Variants in TMX2 observed in about 807,000 individuals in gnomAD.
The protein encoded by TMX2 is thioredoxin related transmembrane protein 2, also known as thioredoxin-related transmembrane protein 2.
Under a neutral mutation model 33.4 loss-of-function variants are expected in TMX2, and 20 were observed. The ratio of observed to expected loss-of-function variants is 0.60; its 90% CI spans 0.42 to 0.87. TMX2 has a LOEUF of 0.87. Ranked by LOEUF, TMX2 falls within the 40% of genes least tolerant of loss-of-function variation. The pLI is 0.00. For missense variants in TMX2, 340 were observed against 370.7 expected, an observed-to-expected ratio of 0.92 and a Z score of 0.68; for synonymous variants, 166 against 140.7, an observed-to-expected ratio of 1.18 and a Z score of -1.27.
chr11:57,723,786 G>A (rs942482552), intron 1 of TMX2, among the ~76,000 whole-genome samples: 2 of 137,800 alleles, frequency 1.5e-5, no homozygotes, highest in African/African-American at 2.6e-5. Flanking sequence ...CTGGGTGACA[G>A]AGCAAGACTC....
intron 1 of TMX2, among the ~76,000 whole-genome samples, chr11:57,714,686 T>C (rs1946864404): frequency 6.6e-6 from 1 of 152,166 alleles, no homozygotes; most frequent in African/African-American, 2.4e-5. Flanking sequence ...CTTAACCTCC[T>C]GGGCAAAGCC....
intron 1 of TMX2, among the ~76,000 whole-genome samples, chr11:57,728,849 G>T (rs920550950): frequency 6.6e-6 from 1 of 152,010 alleles, no homozygotes; most frequent in Non-Finnish European, 1.5e-5. Flanking sequence ...CCCCCAAGAC[G>T]TACAGCGGCC....
intron 1 of TMX2, among the ~76,000 whole-genome samples, chr11:57,720,103 A>T (rs1198629935): frequency 6.8e-6 from 1 of 146,848 alleles, no homozygotes; most frequent in Non-Finnish European, 1.5e-5. Context: ...AGCCTGGCCA[A>T]CGTGGTGAAA....
chr11:57,718,210 C>A lies in TMX2; in HGVS notation c.189+5403C>A, dbSNP rs1947309587. The A allele has an allele frequency of 3.6e-6, 5 of 1,407,028 alleles. No individual in the cohort carries two copies. The East Asian group carries it at 1.2e-4, about 32-fold the overall frequency. 87.2% of individuals were successfully genotyped at this position (1,407,028 alleles called of 1,614,324 possible). A position where few individuals can be genotyped will look rare whatever the true frequency, so the allele number is the denominator to read the frequency against. ...GCAGTGTAGATGAAAAGCTGGGAAC[C>A]TTTTGTGTTGGGTCCAGCAATTGCC... On this transcript the variant is annotated intron_variant, in intron 1 of 7. Coordinates refer to ENST00000278422, the MANE Select transcript of TMX2 (RefSeq NM_015959.4).
chr11:57,733,295 G>A (rs1948513804), intron 1 of TMX2, among the ~76,000 whole-genome samples: 1 of 121,306 alleles, frequency 8.2e-6, no homozygotes, highest in African/African-American at 3.3e-5. Context: ...CACTCTTGTC[G>A]CCCAGGCTGG....
intron 1 of TMX2, among the ~76,000 whole-genome samples, chr11:57,735,089 C>T (rs954670389): frequency 2.0e-5 from 3 of 151,916 alleles, no homozygotes; most frequent in African/African-American, 7.2e-5. Flanking sequence ...GAGATCATGC[C>T]CCTGCATTCC....
At chr11:57,718,209 C>T (rs1947309324) in intron 1 of TMX2, 1 of 1,390,812 alleles carries the variant, frequency 7.2e-7, no homozygotes, top group Non-Finnish European at 1.0e-6. Flanking sequence ...AAGCTGGGAA[C>T]CTTTTGTGTT....
At chr11:57,737,153 G>T (rs984953091) in intron 1 of TMX2, among the ~76,000 whole-genome samples, 1 of 152,184 alleles carries the variant, frequency 6.6e-6, no homozygotes, top group Non-Finnish European at 1.5e-5. Flanking sequence ...AGCACCGCAG[G>T]CCTGGCGCGG....
chr11:57,718,188 G>A, intron 1 of TMX2: 6 of 1,298,740 alleles, frequency 4.6e-6, no homozygotes, highest in East Asian at 2.3e-5. Flanking sequence ...ACTCTTGGCA[G>A]TGTAGATGAA....
intron 1 of TMX2, among the ~76,000 whole-genome samples, chr11:57,715,777 G>A (rs1946951317): frequency 6.6e-6 from 1 of 151,100 alleles, no homozygotes; most frequent in African/African-American, 2.4e-5. Context: ...AGGGAGTGGT[G>A]ATGATTCTTA....
chr11:57,735,255 CT>C (rs1948672327), intron 1 of TMX2, among the ~76,000 whole-genome samples: 1 of 151,774 alleles, frequency 6.6e-6, no homozygotes, highest in South Asian at 2.1e-4. Context: ...GTTGCCCAGG[CT>C]GGAGTGCAGT....
intron 7 of TMX2, 78 bp downstream of exon 7, chr11:57,739,338 A>G (rs1486859950): frequency 3.3e-6 from 5 of 1,508,944 alleles, no homozygotes; most frequent in Non-Finnish European, 4.6e-6. Flanking sequence ...GGTTTGATTC[A>G]CAGCTCTGCC....
chr11:57,724,556 C>A (rs1192444399), intron 1 of TMX2, among the ~76,000 whole-genome samples: 1 of 151,532 alleles, frequency 6.6e-6, no homozygotes, highest in Non-Finnish European at 1.5e-5. Flanking sequence ...CAGATGCAAC[C>A]CCATGCTGGG....
At position 57,712,651 on chromosome 11, in the gene TMX2, G is replaced by C. The variant is rs771553271; in HGVS notation, c.33G>C (p.Val11=). Residue 11 remains valine, a synonymous_variant, in exon 1 of 8, where the codon GTG becomes GTC. Transcript: ENST00000278422. MAVLAPLIAL[V]YSVPRLSRWL... Reference sequence around the variant, plus strand: ...TCTTGGCACCTCTAATTGCTCTCGTGTATTCGGTGCCGCGACTTTCACGAT... The same window carrying C: ...TCTTGGCACCTCTAATTGCTCTCGTCTATTCGGTGCCGCGACTTTCACGAT... 9 of 1,614,022 alleles carry C rather than the reference G, an allele frequency of 5.6e-6. No homozygotes were observed. Among genetic ancestry groups the C allele is most frequent in the African/African-American group, 1.3e-5 (1 of 74,940 alleles).
At chr11:57,734,775 AAAAT>A (rs1948637411) in intron 1 of TMX2, among the ~76,000 whole-genome samples, 1 of 151,986 alleles carries the variant, frequency 6.6e-6, no homozygotes, top group African/African-American at 2.4e-5. Context: ...ATAAAAAATA[AAAAT>A]AAATAAAATT....
At chr11:57,717,408 G>A (rs1327511577) in intron 1 of TMX2, among the ~76,000 whole-genome samples, 1 of 151,702 alleles carries the variant, frequency 6.6e-6, no homozygotes, top group Non-Finnish European at 1.5e-5. Context: ...TCCAGCCTGG[G>A]CACCATTGAG....
At position 57,737,999 on chromosome 11, in the gene TMX2, G is replaced by A; in HGVS notation, c.337G>A (p.Gly113Ser). 1.2e-6 allele frequency: 2 copies of A among 1,613,524 alleles called. No homozygotes were observed. Among genetic ancestry groups the A allele is most frequent in the Non-Finnish European group, 1.7e-6 (2 of 1,179,838 alleles). The change falls in exon 3 of 8, where the codon GGC becomes AGC. Residue 113 changes from glycine to serine, a missense_variant. Gly to Ser is a moderately conservative substitution (Grantham distance 56). Transcript: ENST00000278422. The part of the protein sequence containing the change: ...ILFFRLDIRM[G>S]LLYITLCIVF... ...TTTCTTCCGCTTGGATATTCGCATGGGCCTACTTTACATCACACTCTGCAT... is the reference window on the plus strand; with the variant it reads ...TTTCTTCCGCTTGGATATTCGCATGAGCCTACTTTACATCACACTCTGCAT...
At chr11:57,716,522 A>C (rs1947064161) in intron 1 of TMX2, among the ~76,000 whole-genome samples, 2 of 109,036 alleles carry the variant, frequency 1.8e-5, no homozygotes, top group African/African-American at 3.6e-5. Context: ...GCGGCCGGGC[A>C]GAGGCGCCCC....
At chr11:57,723,513 AAAG>A (rs1380125207) in intron 1 of TMX2, among the ~76,000 whole-genome samples, 52 of 145,614 alleles carry the variant, frequency 3.6e-4, no homozygotes, top group Non-Finnish European at 6.3e-4. Context: ...AAAAAAAAAA[AAAG>A]AAAGAAAGAA....
Sources: allele counts gnomAD v4.1 joint callset (sites outside exome capture counted in the v4.1 genomes callset), GRCh38; gene constraint gnomAD v4.1.1; transcripts MANE v1.5; gene names NCBI Gene and HGNC (gene_info 2026-07-23, HGNC 2026-07-21).